RIT2: variants seen among roughly 807,000 people sequenced by gnomAD.
RIT2 encodes Ras like without CAAX 2, also known as GTP-binding protein Rit2.
A neutral mutation model predicts 23.7 loss-of-function variants in RIT2; 24 were observed. The observed-to-expected ratio is 1.01, with a 90% CI of 0.73 to 1.43. The LOEUF (loss-of-function observed/expected upper bound fraction) is 1.43. RIT2 is among the 40% of genes most tolerant of loss of function. RIT2 has a pLI of 0.00. For missense variants in RIT2, 236 were observed against 266.9 expected, an observed-to-expected ratio of 0.88 and a Z score of 0.81; for synonymous variants, 107 against 91.1, an observed-to-expected ratio of 1.17 and a Z score of -0.99.
At chr18:42,780,047 G>GTTTTTTTTTTTTTTTTT (rs71175923) in intron 4 of RIT2, among the ~76,000 whole-genome samples, 1 of 59,568 alleles carries the variant, frequency 1.7e-5, no homozygotes, top group African/African-American at 5.9e-5. Flanking sequence ...CAATTTAGAG[G>GTTTTTTTTTTTTTTTTT]TTTTTTTTTT....
chr18:43,085,149 C>G (rs947385793), intron 1 of RIT2, among the ~76,000 whole-genome samples: 1 of 151,338 alleles, frequency 6.6e-6, no homozygotes, highest in Non-Finnish European at 1.5e-5. Context: ...ATTGACTACT[C>G]TTATATAGCA....
intron 4 of RIT2, chr18:42,920,656 A>G: frequency 2.1e-6 from 3 of 1,398,856 alleles, no homozygotes; most frequent in East Asian, 2.3e-5. Context: ...GGGCCCTGGG[A>G]TTTCCCAAAA....
At chr18:42,802,128 A>G (rs559917898) in intron 4 of RIT2, among the ~76,000 whole-genome samples, 8 of 152,340 alleles carry the variant, frequency 5.3e-5, no homozygotes, top group Non-Finnish European at 2.9e-5. Context: ...TCAGAATTAG[A>G]TAGAGTTGAA....
intron 4 of RIT2, among the ~76,000 whole-genome samples, chr18:42,761,017 T>C (rs1913288328): frequency 6.6e-6 from 1 of 152,210 alleles, no homozygotes; most frequent in Admixed American, 6.5e-5. Flanking sequence ...TAAAAGCATT[T>C]TGCTAAAATC....
chr18:42,969,788 C>T (rs898322798), intron 3 of RIT2, among the ~76,000 whole-genome samples: 35 of 151,950 alleles, frequency 2.3e-4, no homozygotes, highest in Admixed American at 3.9e-4. Context: ...TAGAGTTTCA[C>T]CTAAACTTAT....
chr18:42,878,946 T>C (rs1907816743), intron 4 of RIT2, among the ~76,000 whole-genome samples: 1 of 151,468 alleles, frequency 6.6e-6, no homozygotes, highest in Admixed American at 6.6e-5. Flanking sequence ...ATCTCTCCAC[T>C]ACTTAAAAAA....
intron 4 of RIT2, among the ~76,000 whole-genome samples, chr18:42,778,493 A>G (rs1321178262): frequency 6.6e-6 from 1 of 152,204 alleles, no homozygotes; most frequent in East Asian, 1.9e-4. Context: ...GAAAATTAAG[A>G]AAGACCAATA....
At chr18:43,014,681 G>T (rs540761750) in intron 2 of RIT2, among the ~76,000 whole-genome samples, 259 of 150,970 alleles carry the variant, frequency 1.7e-3, no homozygotes, top group African/African-American at 5.8e-3. Context: ...AAGAAAACGT[G>T]GGAATAAAAA....
At chr18:43,056,180 C>T (rs1462033015) in intron 1 of RIT2, among the ~76,000 whole-genome samples, 1 of 152,050 alleles carries the variant, frequency 6.6e-6, no homozygotes, top group South Asian at 2.1e-4. Context: ...AGAAGCCTAA[C>T]CTTACCAGGA....
intron 4 of RIT2, among the ~76,000 whole-genome samples, chr18:42,813,758 C>A (rs1459146522): frequency 6.6e-6 from 1 of 152,108 alleles, no homozygotes; most frequent in Admixed American, 6.5e-5. Flanking sequence ...GACAGAGCAG[C>A]ATGTGGAGGC....
chr18:43,106,713 A>T (rs1248866424), intron 1 of RIT2, among the ~76,000 whole-genome samples: 1 of 152,190 alleles, frequency 6.6e-6, no homozygotes, highest in Non-Finnish European at 1.5e-5. Context: ...CAGTGGCAGG[A>T]TGCTGAAATG....
intron 2 of RIT2, among the ~76,000 whole-genome samples, chr18:42,996,901 G>A (rs905604396): frequency 1.3e-5 from 2 of 152,154 alleles, no homozygotes; most frequent in Non-Finnish European, 2.9e-5. Flanking sequence ...TATGAAAACT[G>A]TTTTTCCTAG....
chr18:42,886,319 A>C (rs1184459737), intron 4 of RIT2, among the ~76,000 whole-genome samples: 2 of 152,218 alleles, frequency 1.3e-5, no homozygotes, highest in African/African-American at 4.8e-5. Flanking sequence ...AACAATATAA[A>C]TGAGCATAAT....
intron 4 of RIT2, among the ~76,000 whole-genome samples, chr18:42,900,922 A>C (rs1171474122): frequency 6.6e-6 from 1 of 152,094 alleles, no homozygotes; most frequent in Admixed American, 6.5e-5. Flanking sequence ...AGACTCTTTT[A>C]GGAGATCTGT....
At chr18:42,839,722 C>T (rs1906712408) in intron 4 of RIT2, among the ~76,000 whole-genome samples, 1 of 152,146 alleles carries the variant, frequency 6.6e-6, no homozygotes, top group Non-Finnish European at 1.5e-5. Flanking sequence ...AAATTCAGAA[C>T]ACCATGCAAT....
chr18:42,881,135 T>C (rs989789077), intron 4 of RIT2, among the ~76,000 whole-genome samples: 11 of 152,136 alleles, frequency 7.2e-5, no homozygotes, highest in Admixed American at 3.3e-4. Context: ...ACATCCCACA[T>C]CCTGCTGCCT....
intron 1 of RIT2, among the ~76,000 whole-genome samples, chr18:43,109,264 A>G (rs1913898850): frequency 6.6e-6 from 1 of 152,244 alleles, no homozygotes; most frequent in South Asian, 2.1e-4. Flanking sequence ...TTCTTTACAA[A>G]GAATTCACAA....
At chr18:43,099,479 T>C (rs889475870) in intron 1 of RIT2, among the ~76,000 whole-genome samples, 7 of 152,024 alleles carry the variant, frequency 4.6e-5, no homozygotes, top group Admixed American at 4.6e-4. Flanking sequence ...ATCAGTCTTT[T>C]TGTTAATATA....
At position 43,030,335 on chromosome 18, in the gene RIT2, G is replaced by C. The variant is rs551679339; in HGVS notation, c.160+3476C>G. Among the ~76,000 whole-genome samples the C allele has an allele frequency of 3.9e-5, 6 of 152,098 alleles. No individual in the cohort carries two copies. The East Asian group carries it at 1.2e-3, about 29-fold the overall frequency. On this transcript the variant is annotated intron_variant, in intron 2 of 4. Coordinates refer to ENST00000326695, the MANE Select transcript of RIT2 (RefSeq NM_002930.4). Reference sequence around the variant, plus strand: ...GCAAAGATGTAGGTGAAAAAATGAAGAGCATTCTGGGTAAAATATGGATGA... The same window carrying C: ...GCAAAGATGTAGGTGAAAAAATGAACAGCATTCTGGGTAAAATATGGATGA...
Sources: gnomAD v4.1 joint callset for allele counts (sites outside exome capture counted in the v4.1 genomes callset) on GRCh38, gnomAD v4.1.1 for gene constraint, MANE v1.5 for transcripts, NCBI Gene and HGNC (gene_info 2026-07-23, HGNC 2026-07-21) for gene names.